Variants in IARS1 observed in about 807,000 individuals in gnomAD.
IARS1 encodes the protein isoleucyl-tRNA synthetase 1.
IARS1 carries 124 observed loss-of-function variants against 168.2 expected under a neutral mutation model. The observed-to-expected ratio is 0.74, with a 90% CI of 0.64 to 0.86. The LOEUF (loss-of-function observed/expected upper bound fraction) is 0.86, where lower values mean the gene tolerates loss of function less well. Ranked by LOEUF, IARS1 falls within the 40% of genes least tolerant of loss-of-function variation. IARS1 has a pLI of 0.00. For synonymous variants in IARS1, 532 were observed against 529.4 expected (o/e 1.00, Z -0.07); for missense variants, 1,452 against 1,515.8 (o/e 0.96, Z 0.70).
At chr9:92,218,515 T>G (rs1839134654) in intron 33 of IARS1, among the ~76,000 whole-genome samples, 4 of 110,726 alleles carry the variant, frequency 3.6e-5, no homozygotes, top group African/African-American at 1.8e-4. Context: ...TGATTGTATA[T>G]CTAGAAAACC....
At chr9:92,250,953 G>C (rs1365993818) in intron 22 of IARS1, 119 bp from the exon 23 acceptor site, 1 of 1,094,766 alleles carries the variant, frequency 9.1e-7, no homozygotes, top group Admixed American at 2.1e-5. Flanking sequence ...ACCAAAATGA[G>C]CATGAGGTTA....
At chr9:92,279,507 A>T (rs1360206800) in intron 7 of IARS1, among the ~76,000 whole-genome samples, 1 of 152,212 alleles carries the variant, frequency 6.6e-6, no homozygotes, top group Non-Finnish European at 1.5e-5. Context: ...CCAGTAGGTC[A>T]ACTCTTAGTC....
chr9:92,260,195 T>C lies in IARS1; in HGVS notation c.1827A>G (p.Pro609=). 2 of 1,614,174 alleles carry C rather than the reference T, an allele frequency of 1.2e-6. No individual in the cohort carries two copies. The highest frequency in any genetic ancestry group is 2.2e-5 in the South Asian group (2 of 91,086). Residue 609 remains proline, a synonymous_variant, in exon 18 of 34, where the codon CCA becomes CCG. Transcript: ENST00000443024. The stretch of plus-strand genomic sequence containing the variant: ...ACTTCTGGATGATGGAAACTGGATC[T>C]GGATAATTCTTTTTCCGTTTGCTCA... ...QKMSKRKKNY[P]DPVSIIQKYG...
chr9:92,264,684 A>G (rs1297121428), intron 16 of IARS1, among the ~76,000 whole-genome samples: 2 of 152,214 alleles, frequency 1.3e-5, no homozygotes, highest in African/African-American at 4.8e-5. Context: ...TAACACATAT[A>G]TTCCAAAATG....
In IARS1 at chr9:92,277,844, T is replaced by A. The variant is rs763841603; in HGVS notation, c.894+19A>T. On this transcript the variant is annotated intron_variant, in intron 9 of 33. Transcript: ENST00000443024. The stretch of plus-strand genomic sequence containing the variant: ...ATCAGATTGTGGAGAGCGCCCACAG[T>A]AGCGGTCCCTAAGCTTACCTTCAGG... 20 of 1,609,042 alleles carry A rather than the reference T, an allele frequency of 1.2e-5. No homozygotes were observed. The highest frequency in any genetic ancestry group is 1.4e-5 in the Non-Finnish European group (17 of 1,176,380).
At chr9:92,281,018 G>T in intron 6 of IARS1, 125 bp from the exon 7 acceptor site, 1 of 528,558 alleles carries the variant, frequency 1.9e-6, no homozygotes, top group Non-Finnish European at 3.1e-6. Flanking sequence ...CCACTTACCA[G>T]ACTTACAAAC....
At position 92,269,975 on chromosome 9, in the gene IARS1, G is replaced by A. The variant is rs747046636; in HGVS notation, c.1214C>T (p.Thr405Ile). Residue 405 changes from threonine to isoleucine, a missense_variant, in exon 13 of 34, where the codon ACT becomes ATT. Coordinates refer to ENST00000443024, the MANE Select transcript of IARS1 (RefSeq NM_002161.6). ...HSYPFCWRSD[T>I]PLIYKAVPSW... ...GGGCACTGCTTTGTAAATTAGAGGAGTGTCTGATCTGGGGAAGCAGAAACA... is the reference window on the plus strand; with the variant it reads ...GGGCACTGCTTTGTAAATTAGAGGAATGTCTGATCTGGGGAAGCAGAAACA... The A allele has an allele frequency of 6.2e-7, 1 of 1,611,936 alleles. No homozygotes were observed. The highest frequency in any genetic ancestry group is 8.5e-7 in the Non-Finnish European group (1 of 1,178,080).
intron 30 of IARS1, among the ~76,000 whole-genome samples, chr9:92,229,362 C>CT (rs1383628625): frequency 3.9e-5 from 5 of 128,404 alleles, no homozygotes; most frequent in Non-Finnish European, 7.4e-5. Context: ...ATACACTACA[C>CT]ACACACACAC....
At chr9:92,213,109 G>A (rs1838039958) in intron 33 of IARS1, among the ~76,000 whole-genome samples, 1 of 151,798 alleles carries the variant, frequency 6.6e-6, no homozygotes, top group Admixed American at 6.6e-5. Flanking sequence ...AAATTTAAAA[G>A]TACGATATGC....
At position 92,271,637 on chromosome 9, in the gene IARS1, T is replaced by C; in HGVS notation, c.1009A>G (p.Met337Val). The C allele has an allele frequency of 3.7e-6, 6 of 1,614,000 alleles. No homozygotes were observed. Among genetic ancestry groups the C allele is most frequent in the Non-Finnish European group, 4.2e-6 (5 of 1,179,946 alleles). ...TCTTTCCGAATAATGTTAAAGTCCA[T>C]ACAGACCCGATAGTCCTCCTGAGAA... ...YFGAEDYRVC[M>V]DFNIIRKDSL... is the part of the protein sequence containing the mutation. The change falls in exon 11 of 34, where the codon ATG becomes GTG. Residue 337 changes from methionine to valine, a missense_variant. Coordinates refer to ENST00000443024, the MANE Select transcript of IARS1 (RefSeq NM_002161.6).
At chr9:92,226,794 A>C (rs1587717659) in intron 31 of IARS1, among the ~76,000 whole-genome samples, 1 of 148,024 alleles carries the variant, frequency 6.8e-6, no homozygotes, top group Non-Finnish European at 1.5e-5. Context: ...CTATGTCTTC[A>C]CATGGCCACC....
chr9:92,228,954 A>G (rs760003450), intron 31 of IARS1, 47 bp downstream of exon 31: 1 of 1,608,016 alleles, frequency 6.2e-7, no homozygotes, highest in African/African-American at 1.3e-5. Context: ...ACCTTCACCA[A>G]TCCATCTTGA....
intron 33 of IARS1, among the ~76,000 whole-genome samples, chr9:92,215,674 G>A (rs1322735870): frequency 1.3e-5 from 2 of 152,072 alleles, no homozygotes; most frequent in African/African-American, 4.8e-5. Flanking sequence ...GAATATCAGC[G>A]ATGGAAGATG....
chr9:92,281,009 CACTT>C (rs1337027209), intron 6 of IARS1, 116 bp from the exon 7 acceptor site: 1 of 580,330 alleles, frequency 1.7e-6, no homozygotes, highest in African/African-American at 1.9e-5. Flanking sequence ...CCGAAGAAAC[CACTT>C]ACCAGACTTA....
intron 33 of IARS1, 95 bp downstream of exon 33, chr9:92,222,425 T>C (rs945188558): frequency 1.3e-5 from 9 of 690,660 alleles, no homozygotes; most frequent in Admixed American, 1.1e-4. Flanking sequence ...AGGATAACAA[T>C]AGTACTATCT....
At chr9:92,234,463 C>G (rs539784984) in intron 30 of IARS1, among the ~76,000 whole-genome samples, 2 of 152,304 alleles carry the variant, frequency 1.3e-5, no homozygotes, top group East Asian at 3.9e-4. Context: ...GTTGAGAGCT[C>G]TTCTTTCCAG....
At chr9:92,223,056 T>C (rs1839892066) in intron 32 of IARS1, among the ~76,000 whole-genome samples, 1 of 152,176 alleles carries the variant, frequency 6.6e-6, no homozygotes, top group Admixed American at 6.5e-5. Flanking sequence ...TTTCAGAACA[T>C]TTTTCCTCAG....
chr9:92,293,572 T>C, intron 1 of IARS1, 39 bp downstream of exon 1: 1 of 452,614 alleles, frequency 2.2e-6, no homozygotes, highest in South Asian at 1.7e-5. Context: ...GTGACCCTCG[T>C]CTTTGAGGGC....
intron 33 of IARS1, among the ~76,000 whole-genome samples, chr9:92,214,484 G>A (rs1838289139): frequency 6.6e-6 from 1 of 152,170 alleles, no homozygotes; most frequent in South Asian, 2.1e-4. Context: ...AGAAGACAGT[G>A]ATTTCTGAAT....
Sources: allele counts gnomAD v4.1 joint callset (sites outside exome capture counted in the v4.1 genomes callset), GRCh38; gene constraint gnomAD v4.1.1; transcripts MANE v1.5; gene names NCBI Gene and HGNC (gene_info 2026-07-23, HGNC 2026-07-21).